The following RAD51B variants were observed in gnomAD, a reference collection of about 807,000 sequenced individuals.
RAD51B encodes the protein RAD51 paralog B, also known as DNA repair protein RAD51 homolog 2.
RAD51B carries 38 observed loss-of-function variants against 42.2 expected under a neutral mutation model. The observed-to-expected ratio is 0.90, with a 90% CI of 0.70 to 1.18. The LOEUF (loss-of-function observed/expected upper bound fraction) is 1.18, where lower values mean the gene tolerates loss of function less well. Among genes scored for constraint, RAD51B ranks in the 50% most tolerant of loss-of-function variants. The pLI, the probability that RAD51B is intolerant of heterozygous loss-of-function variation, is 0.00. For missense variants in RAD51B, 373 were observed against 400.7 expected, an observed-to-expected ratio of 0.93 and a Z score of 0.59; for synonymous variants, 154 against 145.2, an observed-to-expected ratio of 1.06 and a Z score of -0.43.
At chr14:68,333,484 C>G (rs758007486) in intron 8 of RAD51B, among the ~76,000 whole-genome samples, 4 of 152,204 alleles carry the variant, frequency 2.6e-5, no homozygotes, top group Non-Finnish European at 4.4e-5. Context: ...TATCTGGCAG[C>G]CTCTAGTCTG....
At chr14:68,655,000 AG>A (rs1210534172) in intron 11 of RAD51B, among the ~76,000 whole-genome samples, 1 of 152,100 alleles carries the variant, frequency 6.6e-6, no homozygotes, top group Non-Finnish European at 1.5e-5. Flanking sequence ...GCTGGGATGG[AG>A]ACACCTTAGA....
chr14:68,451,771 A>G (rs1442403169), intron 9 of RAD51B, among the ~76,000 whole-genome samples: 1 of 152,236 alleles, frequency 6.6e-6, no homozygotes, highest in African/African-American at 2.4e-5. Context: ...GGGATGTGGT[A>G]CATTACACAA....
intron 7 of RAD51B, among the ~76,000 whole-genome samples, chr14:68,256,161 T>A (rs1190491388): frequency 6.6e-6 from 1 of 152,206 alleles, no homozygotes. Flanking sequence ...GGATACAGAT[T>A]TACCCTATTT....
chr14:68,473,323 C>T (rs1179178166), intron 10 of RAD51B, among the ~76,000 whole-genome samples: 2 of 152,200 alleles, frequency 1.3e-5, no homozygotes, highest in Non-Finnish European at 2.9e-5. Flanking sequence ...GTCACATTGT[C>T]CCCAGCCTGC....
intron 8 of RAD51B, among the ~76,000 whole-genome samples, chr14:68,341,255 A>G (rs2082565973): frequency 6.6e-6 from 1 of 152,228 alleles, no homozygotes; most frequent in South Asian, 2.1e-4. Flanking sequence ...CAAGTATATT[A>G]TAGGAAAAAT....
chr14:68,433,172 C>T (rs2085056650), intron 9 of RAD51B, among the ~76,000 whole-genome samples: 1 of 152,180 alleles, frequency 6.6e-6, no homozygotes, highest in South Asian at 2.1e-4. Context: ...TCTCTGGCTG[C>T]CCTTAACATT....
chr14:68,388,472 CTGAT>C (rs1205052159), intron 8 of RAD51B, among the ~76,000 whole-genome samples: 2 of 152,040 alleles, frequency 1.3e-5, no homozygotes, highest in Non-Finnish European at 2.9e-5. Flanking sequence ...CTTAGTTAGC[CTGAT>C]TTAGTTGAGA....
intron 8 of RAD51B, among the ~76,000 whole-genome samples, chr14:68,381,624 C>T (rs1162514075): frequency 4.6e-5 from 7 of 152,066 alleles, no homozygotes; most frequent in African/African-American, 9.7e-5. Context: ...TGCAGTGAGC[C>T]GAGTTTGCGC....
At chr14:68,580,428 C>T (rs2140057643) in intron 10 of RAD51B, among the ~76,000 whole-genome samples, 1 of 150,118 alleles carries the variant, frequency 6.7e-6, no homozygotes, top group Admixed American at 6.6e-5. Flanking sequence ...TGACCTTGGA[C>T]TACTTAGTGC....
At chr14:67,991,062 A>AT (rs1391852952) in intron 7 of RAD51B, among the ~76,000 whole-genome samples, 1 of 152,214 alleles carries the variant, frequency 6.6e-6, no homozygotes, top group African/African-American at 2.4e-5. Context: ...CTTTAAAAAA[A>AT]CATGGGGAAG....
chr14:68,573,951 GGGGTGT>G (rs1566942298), intron 10 of RAD51B, among the ~76,000 whole-genome samples: 1 of 148,030 alleles, frequency 6.8e-6, no homozygotes, highest in East Asian at 2.0e-4. Context: ...TGTGTGTGTG[GGGGTGT>G]GGGTGTGGGT....
intron 10 of RAD51B, among the ~76,000 whole-genome samples, chr14:68,473,530 C>T (rs1367643470): frequency 1.3e-5 from 2 of 149,112 alleles, no homozygotes; most frequent in African/African-American, 4.8e-5. Context: ...CACAGGCTCT[C>T]TGCTTTGTTT....
chr14:68,311,788 GAGGC>G (rs2081972554), intron 8 of RAD51B, among the ~76,000 whole-genome samples: 2 of 152,224 alleles, frequency 1.3e-5, no homozygotes, highest in Non-Finnish European at 2.9e-5. Flanking sequence ...TCGGGAGGCT[GAGGC>G]AGGAGAATTG....
chr14:68,527,154 A>G (rs1358712697), intron 10 of RAD51B, among the ~76,000 whole-genome samples: 1 of 152,238 alleles, frequency 6.6e-6, no homozygotes, highest in Non-Finnish European at 1.5e-5. Context: ...ACGAAACAAA[A>G]TGAAAAAGCC....
intron 8 of RAD51B, among the ~76,000 whole-genome samples, chr14:68,353,362 A>T (rs1035380394): frequency 6.6e-6 from 1 of 152,258 alleles, no homozygotes; most frequent in African/African-American, 2.4e-5. Context: ...GCGAGAGGAT[A>T]TGAGCCACAG....
intron 5 of RAD51B, among the ~76,000 whole-genome samples, chr14:67,865,390 C>T (rs112985507): frequency 6.6e-6 from 1 of 151,544 alleles, no homozygotes; most frequent in Admixed American, 6.6e-5. Flanking sequence ...GTATGCACCA[C>T]CACACCTGGC....
At chr14:68,523,611 C>A (rs1336528591) in intron 10 of RAD51B, among the ~76,000 whole-genome samples, 1 of 152,198 alleles carries the variant, frequency 6.6e-6, no homozygotes, top group Non-Finnish European at 1.5e-5. Context: ...AAGTGCCCGG[C>A]TTTCCATCTG....
At chr14:68,624,685 G>A (rs1250760197) in intron 10 of RAD51B, among the ~76,000 whole-genome samples, 2 of 152,114 alleles carry the variant, frequency 1.3e-5, no homozygotes, top group African/African-American at 4.8e-5. Context: ...TTGAAACTCA[G>A]CGCATGCGTG....
chr14:67,836,517 G>A (rs1343473559), intron 4 of RAD51B, among the ~76,000 whole-genome samples: 1 of 144,114 alleles, frequency 6.9e-6, no homozygotes, highest in African/African-American at 2.6e-5. Context: ...ACAGAGTCTT[G>A]CTCTGTTGCC....
Sources: allele counts gnomAD v4.1 joint callset (sites outside exome capture counted in the v4.1 genomes callset), GRCh38; gene constraint gnomAD v4.1.1; transcripts MANE v1.5; gene names NCBI Gene and HGNC (gene_info 2026-07-23, HGNC 2026-07-21).